The following UBE2E2 variants were observed in gnomAD, a reference collection of about 807,000 sequenced individuals.
UBE2E2 encodes ubiquitin conjugating enzyme E2 E2, also known as ubiquitin-conjugating enzyme E2 E2.
Under a neutral mutation model 24.7 loss-of-function variants are expected in UBE2E2, and 6 were observed. The observed-to-expected ratio is 0.24, with a 90% CI of 0.13 to 0.48. The LOEUF (loss-of-function observed/expected upper bound fraction) is 0.48, where lower values mean the gene tolerates loss of function less well. Ranked by LOEUF, UBE2E2 falls within the 20% of genes least tolerant of loss-of-function variation. UBE2E2 has a pLI of 0.99. For synonymous variants in UBE2E2, 104 were observed against 83.6 expected (o/e 1.24, Z -1.33); for missense variants, 169 against 245.0 (o/e 0.69, Z 2.07).
intron 2 of UBE2E2, among the ~76,000 whole-genome samples, chr3:23,216,647 A>AGCGTG (rs1696483935): frequency 6.6e-6 from 1 of 152,174 alleles, no homozygotes; most frequent in Admixed American, 6.6e-5. Flanking sequence ...ATAAAAGTAG[A>AGCGTG]ATGTAACACA....
At chr3:23,434,875 G>A (rs1014128442) in intron 3 of UBE2E2, among the ~76,000 whole-genome samples, 3 of 152,152 alleles carry the variant, frequency 2.0e-5, no homozygotes, top group East Asian at 1.9e-4. Context: ...AAGCATTTGC[G>A]CACAGAATGT....
At chr3:23,349,750 C>A (rs1559356888) in intron 3 of UBE2E2, among the ~76,000 whole-genome samples, 1 of 152,218 alleles carries the variant, frequency 6.6e-6, no homozygotes, top group Non-Finnish European at 1.5e-5. Context: ...CTGGGTGGAG[C>A]CCACCACAGC....
chr3:23,217,859 G>A (rs1696520958), intron 3 of UBE2E2, among the ~76,000 whole-genome samples: 1 of 152,016 alleles, frequency 6.6e-6, no homozygotes, highest in African/African-American at 2.4e-5. Context: ...TCTGGTCAGT[G>A]TTTACTTTTA....
intron 3 of UBE2E2, among the ~76,000 whole-genome samples, chr3:23,444,796 G>A (rs144133106): frequency 6.6e-6 from 1 of 152,182 alleles, no homozygotes; most frequent in Non-Finnish European, 1.5e-5. Flanking sequence ...TGTGCCCATT[G>A]TCATACTTCT....
chr3:23,254,776 A>G (rs1214575104), intron 3 of UBE2E2, among the ~76,000 whole-genome samples: 1 of 152,150 alleles, frequency 6.6e-6, no homozygotes, highest in Admixed American at 6.6e-5. Flanking sequence ...TTTCAAAGAT[A>G]AGTAGAAATT....
chr3:23,429,546 A>G (rs1466896334), intron 3 of UBE2E2, among the ~76,000 whole-genome samples: 2 of 152,220 alleles, frequency 1.3e-5, no homozygotes, highest in South Asian at 2.1e-4. Context: ...GATCATATCA[A>G]TAAAGAAAGG....
chr3:23,569,716 A>T (rs555710948), intron 5 of UBE2E2, among the ~76,000 whole-genome samples: 2 of 152,332 alleles, frequency 1.3e-5, no homozygotes, highest in East Asian at 3.9e-4. Context: ...CTCAGTAGGA[A>T]TACACCATCT....
rs570504161 is a variant in UBE2E2, at chr3:23,571,506, T to C, written c.509-18228T>C. On this transcript the variant is annotated intron_variant, in intron 5 of 5. Transcript: ENST00000396703. ...GGTTTCACCATGTTGGTCAGACTGG[T>C]CTCAAACTCCTGACCTCGTGATCCG... 4.7e-4 allele frequency among the ~76,000 whole-genome samples: 71 copies of C among 151,792 alleles called. 1 individual carries two copies. The highest frequency in any genetic ancestry group is 1.7e-3 in the African/African-American group (69 of 41,384).
chr3:23,463,188 A>AAAAAAAG (rs1698848581), intron 3 of UBE2E2, among the ~76,000 whole-genome samples: 1 of 151,858 alleles, frequency 6.6e-6, no homozygotes, highest in Non-Finnish European at 1.5e-5. Context: ...CCCTTAAAAC[A>AAAAAAAG]TTAATTCTTT....
At chr3:23,567,935 A>G (rs953502985) in intron 5 of UBE2E2, among the ~76,000 whole-genome samples, 7 of 152,142 alleles carry the variant, frequency 4.6e-5, no homozygotes, top group African/African-American at 9.7e-5. Context: ...TTTAGAGGTA[A>G]TGGTTGGTCC....
At chr3:23,543,460 A>G (rs897716869) in intron 5 of UBE2E2, among the ~76,000 whole-genome samples, 6 of 152,162 alleles carry the variant, frequency 3.9e-5, no homozygotes, top group East Asian at 1.9e-4. Flanking sequence ...TCCTCTTACA[A>G]TAGCTGCAAA....
chr3:23,455,034 CAGGTCTCTGCATGACAAGAAT>C (rs148607957), intron 3 of UBE2E2, among the ~76,000 whole-genome samples: 17,816 of 152,182 alleles, frequency 0.12, 1,197 homozygotes, highest in Middle Eastern at 0.2. Context: ...CTGCCTAACC[CAGGTCTCTGCATGACAAGAAT>C]AGTTTTAATG....
At chr3:23,449,902 C>T in intron 3 of UBE2E2, 1 of 985,410 alleles carries the variant, frequency 1.0e-6, no homozygotes, top group South Asian at 4.7e-5. Flanking sequence ...GTGCGGAGGC[C>T]CCACATGGGG....
intron 3 of UBE2E2, among the ~76,000 whole-genome samples, chr3:23,471,463 A>C (rs912555573): frequency 6.6e-6 from 1 of 152,194 alleles, no homozygotes; most frequent in Non-Finnish European, 1.5e-5. Context: ...GTAAGGAAAC[A>C]AGGTGGTTGA....
rs1698469962 is a variant in UBE2E2 at position 23,280,514 on chromosome 3, T to G, written c.227+63202T>G. ...TTCTTTGTTCACATTTTGCCTTCTT[T>G]TTTCCCATCCGTGGCTGGCAGTTGA... is the stretch of plus-strand genomic sequence containing the variant. On this transcript the variant is annotated intron_variant, in intron 3 of 5. Transcript: ENST00000396703. This position sits in a 1 kb window ranked among gnomAD's most constrained non-coding sequence, Gnocchi z 4.3. Among the ~76,000 whole-genome samples, 1 of 152,196 alleles carries G rather than the reference T, an allele frequency of 6.6e-6. No homozygotes were observed. Among genetic ancestry groups the G allele is most frequent in the Non-Finnish European group, 1.5e-5 (1 of 68,038 alleles).
intron 3 of UBE2E2, among the ~76,000 whole-genome samples, chr3:23,496,204 A>G (rs994955095): frequency 6.6e-6 from 1 of 152,196 alleles, no homozygotes; most frequent in Non-Finnish European, 1.5e-5. Flanking sequence ...ATATGCAGCA[A>G]GTTGCTTTTC....
chr3:23,207,873 C>T (rs991810472), intron 1 of UBE2E2, among the ~76,000 whole-genome samples: 5 of 152,052 alleles, frequency 3.3e-5, no homozygotes, highest in Admixed American at 2.0e-4. Flanking sequence ...AAATGTACAA[C>T]TCTGTAGTTC....
In UBE2E2 at chr3:23,559,278, T is replaced by C. The variant is rs547280889; in HGVS notation, c.508+26577T>C. 7.9e-5 allele frequency among the ~76,000 whole-genome samples: 12 copies of C among 152,264 alleles called. No individual in the cohort carries two copies. In the East Asian group the frequency reaches 1.9e-3, roughly 24 times the overall value. On this transcript the variant is annotated intron_variant, in intron 5 of 5. Coordinates refer to ENST00000396703, the MANE Select transcript of UBE2E2 (RefSeq NM_152653.4). ...ATTCAAGTGCATTTGATTAAGCATT[T>C]AACATCACTCCCAGAGGCAAGCAAT...
At chr3:23,434,548 T>C (rs1698140754) in intron 3 of UBE2E2, among the ~76,000 whole-genome samples, 1 of 152,158 alleles carries the variant, frequency 6.6e-6, no homozygotes, top group Admixed American at 6.5e-5. Flanking sequence ...TTCCCTCCAT[T>C]ATTTAAATAG....
Sources: gnomAD v4.1 joint callset for allele counts (sites outside exome capture counted in the v4.1 genomes callset) on GRCh38, gnomAD v4.1.1 for gene constraint, Gnocchi (gnomAD v3.1) non-coding constraint, MANE v1.5 for transcripts, NCBI Gene and HGNC (gene_info 2026-07-23, HGNC 2026-07-21) for gene names.